TENM1: variants seen among roughly 807,000 people sequenced by gnomAD.
The protein encoded by TENM1 is teneurin transmembrane protein 1.
TENM1 carries 35 observed loss-of-function variants against 174.8 expected under a neutral mutation model. The ratio of observed to expected loss-of-function variants is 0.20; its 90% CI spans 0.15 to 0.27. TENM1 has a LOEUF of 0.27. TENM1 is among the 10% of genes least tolerant of loss of function. TENM1 has a pLI of 1.00. For synonymous variants in TENM1, 781 were observed against 798.7 expected, an observed-to-expected ratio of 0.98 and a Z score of 0.37; for missense variants, 1,633 against 2,130.1, an observed-to-expected ratio of 0.77 and a Z score of 4.59.
At chrX:124,763,335 TA>T (rs1267972106) in intron 3 of TENM1, among the ~76,000 whole-genome samples, 1 of 111,536 alleles carries the variant, frequency 9.0e-6, no homozygotes, top group Non-Finnish European at 1.9e-5. Flanking sequence ...GGAAAAATTA[TA>T]GACATGCTAA....
At chrX:124,894,435 G>T in intron 2 of TENM1, 83 bp from the exon 6 acceptor site, 1 of 694,349 alleles carries the variant, frequency 1.4e-6, no homozygotes, top group Non-Finnish European at 2.2e-6. Flanking sequence ...CCTTCATCTA[G>T]TGGTGCTTAA....
At chrX:124,439,924 C>T (rs1170440767) in intron 23 of TENM1, among the ~76,000 whole-genome samples, 1 of 111,775 alleles carries the variant, frequency 8.9e-6, no homozygotes, top group African/African-American at 3.3e-5. Flanking sequence ...CCCCCATTTA[C>T]AGATACAGAA....
chrX:124,392,852 T>C (rs756189616), intron 27 of TENM1, among the ~76,000 whole-genome samples: 1 of 111,561 alleles, frequency 9.0e-6, no homozygotes, highest in South Asian at 3.9e-4. Flanking sequence ...TTTTATATGA[T>C]TTCACACCTA....
chrX:124,932,013 A>G (rs2058180175), intron 1 of TENM1, among the ~76,000 whole-genome samples: 1 of 111,817 alleles, frequency 8.9e-6, no homozygotes, highest in Admixed American at 9.5e-5. Flanking sequence ...CAAAGCGGCT[A>G]CCTGGTCATT....
chrX:124,749,708 C>T (rs1603121640), intron 3 of TENM1, among the ~76,000 whole-genome samples: 1 of 111,888 alleles, frequency 8.9e-6, no homozygotes, highest in East Asian at 2.8e-4. Flanking sequence ...GTATACCGCT[C>T]ATAGCAAATA....
chrX:124,420,994 A>AT (rs1160069698), intron 24 of TENM1, among the ~76,000 whole-genome samples, 173 bp from the exon 28 acceptor site: 14 of 112,368 alleles, frequency 1.2e-4, no homozygotes, highest in Non-Finnish European at 2.6e-4. Flanking sequence ...AAAGATTGTA[A>AT]TTCTTGAGTC....
chrX:124,886,893 A>G (rs981721665), intron 3 of TENM1, among the ~76,000 whole-genome samples: 3 of 110,083 alleles, frequency 2.7e-5, no homozygotes, highest in African/African-American at 6.6e-5. Context: ...AAGGTCACCC[A>G]TAAATAGAAC....
chrX:124,982,968 C>T, the TENM1 span, among the ~76,000 whole-genome samples: 1 of 111,966 alleles, frequency 8.9e-6, no homozygotes, highest in Non-Finnish European at 1.9e-5. Flanking sequence ...CACTTAACCT[C>T]ATGTTTCCTC....
In TENM1 at chrX:124,596,379, A is replaced by G. The variant is rs143491184; in HGVS notation, c.2078-30819T>C. On this transcript the variant is annotated intron_variant, in intron 11 of 31. Transcript: ENST00000422452. ...GACTTTTCATTCACACGAGTTAAAC[A>G]TGGTGCTAACTGGCAGAATACAACA... Among the ~76,000 whole-genome samples, 36 of 111,953 alleles carry G rather than the reference A, an allele frequency of 3.2e-4. No homozygotes were observed. In the East Asian group the frequency reaches 9.5e-3, roughly 30 times the overall value.
At chrX:125,077,556 G>A in the TENM1 span, among the ~76,000 whole-genome samples, 1 of 111,274 alleles carries the variant, frequency 9.0e-6, no homozygotes, top group African/African-American at 3.3e-5. Flanking sequence ...AGGGTGAAAC[G>A]TATTCTCATG....
At chrX:124,886,522 C>CATATATAT (rs3056632) in intron 3 of TENM1, among the ~76,000 whole-genome samples, 140 of 74,895 alleles carry the variant, frequency 1.9e-3, no homozygotes, top group Non-Finnish European at 2.7e-3. Flanking sequence ...AAAACATATA[C>CATATATAT]ATATATATAT....
chrX:124,563,865 G>C (rs182283069), intron 12 of TENM1, 93 bp from the exon 16 acceptor site: 1 of 836,444 alleles, frequency 1.2e-6, no homozygotes, highest in Admixed American at 2.9e-5. Flanking sequence ...TTGCCTGGGA[G>C]GAGAACAGCA....
intron 8 of TENM1, among the ~76,000 whole-genome samples, chrX:124,648,244 T>A (rs1033732642): frequency 3.6e-5 from 4 of 112,495 alleles, no homozygotes; most frequent in African/African-American, 1.3e-4. Context: ...AAATGTTGCA[T>A]TTTTGCCTTG....
the TENM1 span, among the ~76,000 whole-genome samples, chrX:125,088,885 G>A: frequency 2.7e-5 from 3 of 111,031 alleles, no homozygotes; most frequent in African/African-American, 6.5e-5. Flanking sequence ...ATGACAGTAG[G>A]AAATAAAATA....
chrX:124,667,404 A>T (rs2051796585), intron 6 of TENM1, among the ~76,000 whole-genome samples: 2 of 110,024 alleles, frequency 1.8e-5, no homozygotes, highest in African/African-American at 6.6e-5. Context: ...AGCCTGGCCA[A>T]CATGGTGAAA....
chrX:124,999,791 A>G, the TENM1 span, among the ~76,000 whole-genome samples: 44 of 111,386 alleles, frequency 4.0e-4, no homozygotes, highest in Non-Finnish European at 7.2e-4. Flanking sequence ...GAAAAGTAAC[A>G]TGGATACTTC....
exon 29 of TENM1, chrX:124,385,831 T>G (rs747823983): frequency 1.7e-6 from 2 of 1,209,910 alleles, no homozygotes; most frequent in South Asian, 3.5e-5. Flanking sequence ...TGTATAAGAC[T>G]CTGCGCCCTG....
chrX:124,805,183 G>T (rs5958588), intron 3 of TENM1, among the ~76,000 whole-genome samples: 5,959 of 111,683 alleles, frequency 0.053, 258 homozygotes, highest in African/African-American at 0.14. Context: ...TATGTGTATT[G>T]CTCTCTCAGC....
the TENM1 span, among the ~76,000 whole-genome samples, chrX:125,148,139 C>T: frequency 6.3e-5 from 7 of 111,300 alleles, no homozygotes; most frequent in African/African-American, 2.3e-4. Context: ...AATGCCTCAT[C>T]TGAAAACTTG....
Sources: allele counts gnomAD v4.1 joint callset (sites outside exome capture counted in the v4.1 genomes callset), GRCh38; gene constraint gnomAD v4.1.1; transcripts MANE v1.5; gene names NCBI Gene and HGNC (gene_info 2026-07-23, HGNC 2026-07-21).